Variants in AOPEP observed in about 807,000 individuals in gnomAD.
AOPEP encodes the protein aminopeptidase O (putative), also known as aminopeptidase O.
Under a neutral mutation model 98.1 loss-of-function variants are expected in AOPEP, and 77 were observed. The observed-to-expected ratio is 0.78, with a 90% CI of 0.65 to 0.95. AOPEP has a LOEUF of 0.95. Among genes scored for constraint, AOPEP ranks in the 40% least tolerant of loss-of-function variants. The pLI is 0.00. For missense variants in AOPEP, 1,024 were observed against 1,024.7 expected, an observed-to-expected ratio of 1.00 and a Z score of 0.01; for synonymous variants, 346 against 365.3, an observed-to-expected ratio of 0.95 and a Z score of 0.60.
intron 5 of AOPEP, among the ~76,000 whole-genome samples, chr9:94,919,924 G>A (rs954375357): frequency 7.9e-5 from 12 of 152,180 alleles, no homozygotes; most frequent in East Asian, 1.9e-4. Flanking sequence ...TGTGAAAAGC[G>A]TTGAATCCAT....
At chr9:94,967,687 C>A (rs2059291986) in intron 9 of AOPEP, 71 bp from the exon 10 acceptor site, 1 of 1,328,518 alleles carries the variant, frequency 7.5e-7, no homozygotes, top group Non-Finnish European at 1.1e-6. Context: ...GAGCACTCAG[C>A]CTCTGGCATG....
rs140015415 is a variant in AOPEP, at chr9:94,966,483, C to T, written c.1873-1275C>T. Among the ~76,000 whole-genome samples the T allele has an allele frequency of 9.2e-5, 14 of 152,300 alleles. No homozygotes were observed. In the East Asian group the frequency reaches 2.5e-3, roughly 27 times the overall value. On this transcript the variant is annotated intron_variant, in intron 9 of 16. Transcript: ENST00000375315. ...GTGACTCTTGTCTGTCATGTTTGGG[C>T]AGACCCATTTTAAAAGATTATTTTC...
chr9:95,113,996 A>T, the AOPEP span: 1 of 159,366 alleles, frequency 6.3e-6, no homozygotes, highest in Non-Finnish European at 1.4e-5. Flanking sequence ...TCTGAGTGGG[A>T]GGATCACCTA....
intron 14 of AOPEP, among the ~76,000 whole-genome samples, chr9:95,079,240 T>C (rs1046176560): frequency 3.9e-5 from 6 of 152,250 alleles, no homozygotes; most frequent in Non-Finnish European, 8.8e-5. Context: ...CTTAACTGTT[T>C]GCATGTAAAC....
chr9:94,926,311 C>T (rs190706865), intron 6 of AOPEP, among the ~76,000 whole-genome samples: 22 of 152,218 alleles, frequency 1.4e-4, no homozygotes, highest in African/African-American at 4.3e-4. Context: ...CAGGTCTGGG[C>T]GGGCCTGGAA....
the AOPEP span, chr9:95,145,151 G>C: frequency 6.6e-6 from 1 of 152,198 alleles, no homozygotes; most frequent in Admixed American, 6.5e-5. Flanking sequence ...AAGAGTTATA[G>C]ATTTAAAAAA....
intron 5 of AOPEP, among the ~76,000 whole-genome samples, chr9:94,871,329 C>T (rs2046325480): frequency 6.6e-6 from 1 of 152,230 alleles, no homozygotes; most frequent in Non-Finnish European, 1.5e-5. Flanking sequence ...CCAGGAACCT[C>T]TCTGGTTTGA....
chr9:94,928,588 C>A, intron 7 of AOPEP, 57 bp downstream of exon 7: 2 of 1,227,588 alleles, frequency 1.6e-6, no homozygotes, highest in Non-Finnish European at 2.3e-6. Context: ...TCCTTCAAGA[C>A]ACCTCCCTGC....
chr9:95,116,126 ATGCACCACCTCACCGTTT>A, the AOPEP span, among the ~76,000 whole-genome samples: 2 of 152,262 alleles, frequency 1.3e-5, no homozygotes, highest in Non-Finnish European at 2.9e-5. Context: ...GCCCATGCCC[ATGCACCACCTCACCGTTT>A]ATTTACTATT....
intron 3 of AOPEP, among the ~76,000 whole-genome samples, chr9:94,789,083 C>G (rs1845077139): frequency 1.3e-5 from 2 of 152,198 alleles, no homozygotes; most frequent in East Asian, 3.8e-4. Context: ...CTACTGCCAA[C>G]TTAGGATTCA....
chr9:94,740,076 A>G (rs1448668757), intron 1 of AOPEP, among the ~76,000 whole-genome samples: 5 of 152,312 alleles, frequency 3.3e-5, no homozygotes, highest in Admixed American at 3.3e-4. Context: ...ACACAGGGCC[A>G]TATGAGGAAG....
At chr9:94,991,888 T>A (rs988999447) in intron 11 of AOPEP, among the ~76,000 whole-genome samples, 1 of 152,212 alleles carries the variant, frequency 6.6e-6, no homozygotes, top group Admixed American at 6.5e-5. Flanking sequence ...TGTGATTGTA[T>A]ATAGAGATTA....
chr9:94,855,882 G>A lies in AOPEP; in HGVS notation c.1364+54880G>A, dbSNP rs12684139. On this transcript the variant is annotated intron_variant, in intron 5 of 16. Coordinates refer to ENST00000375315, the MANE Select transcript of AOPEP (RefSeq NM_001193329.3). ...ACAGGTGTCCTCTTCTTAGATTCTGGGGTGAGACTGAAAGAATATATATAA... is the reference window on the plus strand; with the variant it reads ...ACAGGTGTCCTCTTCTTAGATTCTGAGGTGAGACTGAAAGAATATATATAA... Among the ~76,000 whole-genome samples, 802 of 152,108 alleles carry A rather than the reference G, an allele frequency of 5.3e-3. 12 individuals carry two copies. The highest frequency in any genetic ancestry group is 0.044 in the South Asian group (211 of 4,804).
chr9:94,917,232 A>G (rs1356194251), intron 5 of AOPEP, among the ~76,000 whole-genome samples: 1 of 151,496 alleles, frequency 6.6e-6, no homozygotes, highest in Non-Finnish European at 1.5e-5. Flanking sequence ...TCTGCTGGTC[A>G]GTAGCTGAGC....
chr9:95,032,793 G>A (rs551044475), intron 13 of AOPEP, among the ~76,000 whole-genome samples: 1 of 152,290 alleles, frequency 6.6e-6, no homozygotes, highest in East Asian at 1.9e-4. Flanking sequence ...TCCCACCTCT[G>A]TGCTTTTATT....
At chr9:95,031,199 G>A (rs1345673054) in intron 13 of AOPEP, among the ~76,000 whole-genome samples, 9 of 152,096 alleles carry the variant, frequency 5.9e-5, no homozygotes, top group South Asian at 2.1e-4. Context: ...ATAAATATGC[G>A]TGGCCAAAGA....
the AOPEP span, among the ~76,000 whole-genome samples, chr9:95,149,217 G>C: frequency 6.6e-6 from 1 of 151,914 alleles, no homozygotes; most frequent in Non-Finnish European, 1.5e-5. Context: ...ATTAATAAGG[G>C]TTTAACAGAT....
At chr9:94,808,790 G>A (rs955139726) in intron 5 of AOPEP, among the ~76,000 whole-genome samples, 5 of 152,262 alleles carry the variant, frequency 3.3e-5, no homozygotes, top group South Asian at 2.1e-4. Flanking sequence ...AGGTGCTCCT[G>A]TGAGCCTGGT....
At chr9:94,838,222 G>A (rs1412575218) in intron 5 of AOPEP, among the ~76,000 whole-genome samples, 1 of 152,148 alleles carries the variant, frequency 6.6e-6, no homozygotes, top group Admixed American at 6.5e-5. Flanking sequence ...CATTAGCCAG[G>A]CTGGTCTTGA....
Sources: allele counts gnomAD v4.1 joint callset (sites outside exome capture counted in the v4.1 genomes callset), GRCh38; gene constraint gnomAD v4.1.1; transcripts MANE v1.5; gene names NCBI Gene and HGNC (gene_info 2026-07-23, HGNC 2026-07-21).